The following TDRD3 variants were observed in gnomAD, a reference collection of about 807,000 sequenced individuals.
The protein encoded by TDRD3 is tudor domain containing 3.
In TDRD3, 45 loss-of-function variants were observed where a neutral mutation model predicts 86.7. The observed-to-expected ratio is 0.52, with a 90% CI of 0.41 to 0.67. The LOEUF is 0.67. Among genes scored for constraint, TDRD3 ranks in the 30% least tolerant of loss-of-function variants. The pLI, the probability that TDRD3 is intolerant of heterozygous loss-of-function variation, is 0.00. For synonymous variants in TDRD3, 298 were observed against 301.7 expected, an observed-to-expected ratio of 0.99 and a Z score of 0.13; for missense variants, 814 against 889.0, an observed-to-expected ratio of 0.92 and a Z score of 1.07.
chr13:60,470,519 C>T (rs191139483), intron 5 of TDRD3, among the ~76,000 whole-genome samples: 7 of 151,022 alleles, frequency 4.6e-5, no homozygotes, highest in Non-Finnish European at 7.4e-5. Flanking sequence ...TCCTCACCAA[C>T]GGTTGGTATT....
chr13:60,504,179 C>G (rs1476226865), intron 8 of TDRD3, among the ~76,000 whole-genome samples: 2 of 152,132 alleles, frequency 1.3e-5, no homozygotes, highest in Non-Finnish European at 2.9e-5. Flanking sequence ...CATCCCTGGG[C>G]AAAATTTACA....
intron 1 of TDRD3, among the ~76,000 whole-genome samples, chr13:60,432,695 G>A (rs115586682): frequency 8.7e-4 from 133 of 152,152 alleles, no homozygotes; most frequent in African/African-American, 2.9e-3. Context: ...ATTTGCAGTA[G>A]GTCAGTTACT....
chr13:60,557,206 CAAAA>C (rs138618410), intron 12 of TDRD3, among the ~76,000 whole-genome samples: 3 of 117,772 alleles, frequency 2.5e-5, no homozygotes, highest in East Asian at 2.6e-4. Context: ...AACTCTGTCT[CAAAA>C]AAAAAAAAAA....
At chr13:60,496,341 A>C (rs1407419185) in intron 8 of TDRD3, among the ~76,000 whole-genome samples, 4 of 91,582 alleles carry the variant, frequency 4.4e-5, no homozygotes, top group South Asian at 3.5e-4. Context: ...ATATATATAT[A>C]TATCCTCTAA....
At chr13:60,560,894 G>C (rs1958316888) in intron 12 of TDRD3, among the ~76,000 whole-genome samples, 2 of 152,150 alleles carry the variant, frequency 1.3e-5, no homozygotes, top group South Asian at 4.1e-4. Flanking sequence ...CAGTTGTTTA[G>C]TGATAAGGTT....
At chr13:60,565,161 T>C (rs559573620) in intron 12 of TDRD3, among the ~76,000 whole-genome samples, 64 of 145,322 alleles carry the variant, frequency 4.4e-4, no homozygotes, top group Admixed American at 3.7e-3. Context: ...GTTCACGCCA[T>C]TCTCCTGCCT....
intron 8 of TDRD3, among the ~76,000 whole-genome samples, chr13:60,507,933 T>A (rs1275769934): frequency 6.6e-6 from 1 of 152,200 alleles, no homozygotes; most frequent in East Asian, 1.9e-4. Context: ...ACTCTCAGGA[T>A]ACAAAGCCAA....
At chr13:60,480,338 G>C (rs1042649221) in intron 5 of TDRD3, among the ~76,000 whole-genome samples, 1 of 152,194 alleles carries the variant, frequency 6.6e-6, no homozygotes, top group Non-Finnish European at 1.5e-5. Context: ...CTTTTGGCTT[G>C]TGAGGTTTAA....
intron 8 of TDRD3, among the ~76,000 whole-genome samples, chr13:60,499,592 T>G (rs1012668341): frequency 6.6e-6 from 1 of 152,224 alleles, no homozygotes; most frequent in African/African-American, 2.4e-5. Context: ...ATATGCTGAT[T>G]GGATCCAGTA....
intron 8 of TDRD3, among the ~76,000 whole-genome samples, chr13:60,500,471 G>A (rs977962303): frequency 7.9e-5 from 12 of 152,140 alleles, no homozygotes; most frequent in Admixed American, 7.9e-4. Context: ...ACTGGGGCCT[G>A]GTTCACAGAG....
intron 1 of TDRD3, 30 bp downstream of exon 1, chr13:60,397,435 C>A: frequency 1.4e-5 from 20 of 1,478,426 alleles, no homozygotes; most frequent in Non-Finnish European, 1.8e-5. Flanking sequence ...GGCTGCCGGG[C>A]CGCGGGTGCG....
Position 60,460,550 on chromosome 13 carries a change from A to T in TDRD3, c.353+10A>T. The T allele has an allele frequency of 2.0e-6, 3 of 1,529,612 alleles. No homozygotes were observed. The highest frequency in any genetic ancestry group is 2.6e-6 in the Non-Finnish European group (3 of 1,148,872). 94.8% of individuals were successfully genotyped at this position (1,529,612 alleles called of 1,614,324 possible). A position where few individuals can be genotyped will look rare whatever the true frequency, so the allele number is the denominator to read the frequency against. ...ATATGTCAAAAATAAGGTGATTGGC[A>T]CTTTATTTTGTGTATTTGTTACAGA... On this transcript the variant is annotated intron_variant, in intron 4 of 13. Coordinates refer to ENST00000377881, the MANE Select transcript of TDRD3 (RefSeq NM_001146070.2).
At chr13:60,490,289 A>T (rs1956557718) in intron 7 of TDRD3, among the ~76,000 whole-genome samples, 1 of 152,150 alleles carries the variant, frequency 6.6e-6, no homozygotes, top group Non-Finnish European at 1.5e-5. Flanking sequence ...AGATAGTGAG[A>T]GCTGAGCCAA....
chr13:60,510,928 CAT>C (rs1381103270), intron 10 of TDRD3, among the ~76,000 whole-genome samples, 173 bp downstream of exon 10: 1 of 151,168 alleles, frequency 6.6e-6, no homozygotes, highest in Non-Finnish European at 1.5e-5. Context: ...AATCTGAAAA[CAT>C]AATGGCAGCT....
At chr13:60,545,501 T>C (rs930307516) in intron 12 of TDRD3, among the ~76,000 whole-genome samples, 1 of 152,116 alleles carries the variant, frequency 6.6e-6, no homozygotes, top group Admixed American at 6.5e-5. Context: ...TTCAGTATGA[T>C]TCAAACTGTA....
chr13:60,559,949 C>A (rs1471647697), intron 12 of TDRD3, among the ~76,000 whole-genome samples: 1 of 152,046 alleles, frequency 6.6e-6, no homozygotes, highest in Non-Finnish European at 1.5e-5. Context: ...GATATGTTAA[C>A]CTTGATTGTG....
chr13:60,451,077 A>G (rs946902874), intron 3 of TDRD3, among the ~76,000 whole-genome samples: 3 of 152,254 alleles, frequency 2.0e-5, no homozygotes, highest in Non-Finnish European at 4.4e-5. Context: ...CTTGACTGGT[A>G]ACAATACATG....
chr13:60,484,326 T>G (rs1956381765), intron 6 of TDRD3, among the ~76,000 whole-genome samples: 1 of 152,206 alleles, frequency 6.6e-6, no homozygotes, highest in Admixed American at 6.5e-5. Flanking sequence ...TTCTCCAGCC[T>G]GCTCTTGCTT....
At chr13:60,507,410 G>C (rs1298777445) in intron 8 of TDRD3, among the ~76,000 whole-genome samples, 1 of 151,874 alleles carries the variant, frequency 6.6e-6, no homozygotes, top group Non-Finnish European at 1.5e-5. Flanking sequence ...TCAGCACTAT[G>C]TCATACTTTA....
Sources: gnomAD v4.1 joint callset for allele counts (sites outside exome capture counted in the v4.1 genomes callset) on GRCh38, gnomAD v4.1.1 for gene constraint, MANE v1.5 for transcripts, NCBI Gene and HGNC (gene_info 2026-07-23, HGNC 2026-07-21) for gene names.